The following MAJIN variants were observed in gnomAD, a reference collection of about 807,000 sequenced individuals.
The protein encoded by MAJIN is membrane-anchored junction protein.
MAJIN carries 27 observed loss-of-function variants against 30.2 expected under a neutral mutation model. That is an observed-to-expected ratio of 0.89 (90% CI 0.66 to 1.23). The LOEUF (loss-of-function observed/expected upper bound fraction) is 1.23, where lower values mean the gene tolerates loss of function less well. Ranked by LOEUF, MAJIN falls within the 50% of genes most tolerant of loss-of-function variation. The probability of loss-of-function intolerance (pLI) is 0.00; values close to 1 mark genes in which losing one functional copy is unlikely to be tolerated. For missense variants in MAJIN, 253 were observed against 260.3 expected (o/e 0.97, Z 0.19); for synonymous variants, 78 against 91.6 (o/e 0.85, Z 0.85).
At chr11:64,964,536 T>G (rs1347466064) in intron 1 of MAJIN, among the ~76,000 whole-genome samples, 1 of 152,062 alleles carries the variant, frequency 6.6e-6, no homozygotes, top group African/African-American at 2.4e-5. Context: ...CTGGTCGCGC[T>G]CACCACTCTG....
At chr11:64,957,466 C>T (rs907581348) in intron 3 of MAJIN, among the ~76,000 whole-genome samples, 2 of 151,970 alleles carry the variant, frequency 1.3e-5, no homozygotes, top group African/African-American at 2.4e-5. Flanking sequence ...AGTGCAGCGG[C>T]GCGATCTGCT....
In MAJIN at chr11:64,947,831, A is replaced by T; in HGVS notation, c.350-12T>A. 1 of 1,606,666 alleles carries T rather than the reference A, an allele frequency of 6.2e-7. No individual in the cohort carries two copies. The highest frequency in any genetic ancestry group is 8.5e-7 in the Non-Finnish European group (1 of 1,173,630). Reference sequence around the variant, plus strand: ...ACTTATTGGTTTCCCTACAATAGGAAATTTGAGTGTCATAATAGATTTAAG... The same window carrying T: ...ACTTATTGGTTTCCCTACAATAGGATATTTGAGTGTCATAATAGATTTAAG... On this transcript the variant is annotated splice_polypyrimidine_tract_variant and intron_variant, in intron 6 of 10. Coordinates refer to ENST00000301896, the MANE Select transcript of MAJIN (RefSeq NM_001037225.3).
intron 1 of MAJIN, among the ~76,000 whole-genome samples, chr11:64,970,391 G>A (rs1378035648): frequency 9.3e-6 from 1 of 108,052 alleles, no homozygotes; most frequent in African/African-American, 3.4e-5. Flanking sequence ...TTTTGAGACG[G>A]AGTCTTGTTC....
At chr11:64,941,514 G>A (rs755960914) in intron 8 of MAJIN, among the ~76,000 whole-genome samples, 5 of 152,100 alleles carry the variant, frequency 3.3e-5, no homozygotes, top group African/African-American at 7.2e-5. Context: ...AAAATCAGCC[G>A]GGCGTGGTGG....
chr11:64,946,893 A>G (rs1037997053), intron 8 of MAJIN, among the ~76,000 whole-genome samples: 3 of 152,130 alleles, frequency 2.0e-5, no homozygotes, highest in Admixed American at 6.5e-5. Flanking sequence ...ACCCCACCCA[A>G]TGATTGATAC....
At chr11:64,971,287 A>T (rs887505799) in intron 1 of MAJIN, among the ~76,000 whole-genome samples, 1 of 151,844 alleles carries the variant, frequency 6.6e-6, no homozygotes, top group African/African-American at 2.4e-5. Context: ...ATTAGCCAGG[A>T]GTGGCGGCGC....
intron 7 of MAJIN, 117 bp downstream of exon 7, chr11:64,947,671 G>C: frequency 1.7e-6 from 2 of 1,184,852 alleles, no homozygotes; most frequent in Non-Finnish European, 2.5e-6. Context: ...TTACAATTCT[G>C]ACTGGACCTG....
chr11:64,949,640 C>T, intron 6 of MAJIN, 103 bp downstream of exon 6: 2 of 1,456,404 alleles, frequency 1.4e-6, no homozygotes, highest in Admixed American at 1.8e-5. Context: ...GACCTGTGCA[C>T]TGTATGGCTG....
At chr11:64,965,943 G>A (rs1191691027) in intron 1 of MAJIN, among the ~76,000 whole-genome samples, 3 of 146,128 alleles carry the variant, frequency 2.1e-5, no homozygotes, top group Admixed American at 6.9e-5. Flanking sequence ...GCAACAGAGC[G>A]AGACTCTGTC....
At chr11:64,949,207 A>G (rs113557055) in intron 6 of MAJIN, among the ~76,000 whole-genome samples, 6,156 of 150,922 alleles carry the variant, frequency 0.041, 154 homozygotes, top group Middle Eastern at 0.066. Context: ...GCACACACCT[A>G]TAGTCCTAGC....
chr11:64,953,574 C>A (rs143966652), intron 4 of MAJIN, among the ~76,000 whole-genome samples: 23 of 152,088 alleles, frequency 1.5e-4, no homozygotes, highest in African/African-American at 5.3e-4. Context: ...TGGTGGATCA[C>A]GAGGTCAAGA....
intron 6 of MAJIN, among the ~76,000 whole-genome samples, chr11:64,948,477 A>G (rs1195823384): frequency 1.4e-5 from 2 of 147,684 alleles, no homozygotes; most frequent in African/African-American, 5.0e-5. Context: ...TTGCCCAGGC[A>G]GAAGTGCAGT....
intron 1 of MAJIN, among the ~76,000 whole-genome samples, chr11:64,966,154 A>AAAG (rs1439540529): frequency 6.7e-6 from 1 of 149,100 alleles, no homozygotes; most frequent in African/African-American, 2.4e-5. Context: ...TGAAAAAAAA[A>AAAG]AAAAAAAAAA....
intron 4 of MAJIN, among the ~76,000 whole-genome samples, chr11:64,953,067 A>G (rs1343083786): frequency 6.6e-6 from 1 of 152,216 alleles, no homozygotes; most frequent in Non-Finnish European, 1.5e-5. Flanking sequence ...ACTAGTGAGC[A>G]TAAGAGAAAG....
intron 1 of MAJIN, among the ~76,000 whole-genome samples, chr11:64,970,098 A>G (rs1945874339): frequency 6.6e-6 from 1 of 152,010 alleles, no homozygotes; most frequent in South Asian, 2.1e-4. Context: ...GCGCAGTGAC[A>G]CTTGCCTGTA....
At chr11:64,962,964 T>A (rs1167986497) in intron 1 of MAJIN, among the ~76,000 whole-genome samples, 1 of 151,962 alleles carries the variant, frequency 6.6e-6, no homozygotes, top group African/African-American at 2.4e-5. Context: ...CCGCCTCTAC[T>A]AAAAATACAA....
intron 5 of MAJIN, 27 bp downstream of exon 5, chr11:64,950,328 T>G (rs1590696197): frequency 1.2e-5 from 5 of 430,168 alleles, no homozygotes; most frequent in Non-Finnish European, 1.9e-5. Context: ...AGACTCCATC[T>G]CAAAAAAAAA....
At chr11:64,951,127 C>T (rs995757451) in intron 4 of MAJIN, among the ~76,000 whole-genome samples, 6 of 152,168 alleles carry the variant, frequency 3.9e-5, no homozygotes, top group African/African-American at 9.7e-5. Context: ...GGGAGATCTA[C>T]TTGAAGTAGA....
At chr11:64,968,186 T>C (rs926120752) in intron 1 of MAJIN, among the ~76,000 whole-genome samples, 4 of 152,172 alleles carry the variant, frequency 2.6e-5, no homozygotes, top group African/African-American at 4.8e-5. Context: ...TTGTAGGCCA[T>C]TGTAAAAAGT....
Sources: allele counts gnomAD v4.1 joint callset (sites outside exome capture counted in the v4.1 genomes callset), GRCh38; gene constraint gnomAD v4.1.1; transcripts MANE v1.5; gene names NCBI Gene and HGNC (gene_info 2026-07-23, HGNC 2026-07-21).